LRMDA: variants seen among roughly 807,000 people sequenced by gnomAD.
LRMDA encodes leucine rich melanocyte differentiation associated, also known as leucine-rich melanocyte differentiation-associated protein.
LRMDA carries 18 observed loss-of-function variants against 29.8 expected under a neutral mutation model. The observed-to-expected ratio is 0.60, with a 90% CI of 0.42 to 0.90. The LOEUF is 0.90. Ranked by LOEUF, LRMDA falls within the 40% of genes least tolerant of loss-of-function variation. The probability of loss-of-function intolerance (pLI) is 0.00; values close to 1 mark genes in which losing one functional copy is unlikely to be tolerated. For missense variants in LRMDA, 273 were observed against 273.9 expected (o/e 1.00, Z 0.02); for synonymous variants, 125 against 109.4 (o/e 1.14, Z -0.89).
intron 2 of LRMDA, among the ~76,000 whole-genome samples, chr10:75,452,048 A>G (rs376264811): frequency 3.3e-5 from 5 of 152,132 alleles, no homozygotes; most frequent in African/African-American, 1.2e-4. Flanking sequence ...TCCTTGGTTC[A>G]GTCCCACTTG....
At chr10:76,485,117 A>G (rs1180191628) in intron 6 of LRMDA, among the ~76,000 whole-genome samples, 1 of 151,886 alleles carries the variant, frequency 6.6e-6, no homozygotes, top group African/African-American at 2.4e-5. Context: ...AGGTATATTT[A>G]GACTATTTTC....
At chr10:75,981,836 G>A (rs1175134744) in intron 2 of LRMDA, among the ~76,000 whole-genome samples, 1 of 123,290 alleles carries the variant, frequency 8.1e-6, no homozygotes, top group Non-Finnish European at 1.6e-5. Context: ...TGGCGACAGA[G>A]CAAGACTCCA....
chr10:76,066,753 G>A (rs1159429783), intron 5 of LRMDA, among the ~76,000 whole-genome samples: 1 of 152,210 alleles, frequency 6.6e-6, no homozygotes, highest in African/African-American at 2.4e-5. Flanking sequence ...AGAACTACAG[G>A]AGCCAGGCTG....
At chr10:76,247,492 C>T (rs1852397659) in intron 5 of LRMDA, among the ~76,000 whole-genome samples, 1 of 152,162 alleles carries the variant, frequency 6.6e-6, no homozygotes, top group African/African-American at 2.4e-5. Flanking sequence ...ATTATAGATC[C>T]TTTTGAGAGA....
chr10:76,435,347 C>T (rs1842234820), intron 6 of LRMDA, among the ~76,000 whole-genome samples: 1 of 152,168 alleles, frequency 6.6e-6, no homozygotes, highest in African/African-American at 2.4e-5. Context: ...CCAAGTTTCT[C>T]TTTCATGAGG....
intron 6 of LRMDA, among the ~76,000 whole-genome samples, chr10:76,410,766 C>T (rs1841952354): frequency 6.6e-6 from 1 of 152,002 alleles, no homozygotes; most frequent in African/African-American, 2.4e-5. Flanking sequence ...CCAGCCTGGC[C>T]AACATGGTGA....
At chr10:75,664,398 C>T (rs529089218) in intron 2 of LRMDA, among the ~76,000 whole-genome samples, 154 of 152,310 alleles carry the variant, frequency 1.0e-3, no homozygotes, top group Middle Eastern at 3.4e-3. Flanking sequence ...CAACTGTATG[C>T]CAGGCAATGG....
At chr10:75,788,766 C>T (rs1489634695) in intron 2 of LRMDA, among the ~76,000 whole-genome samples, 1 of 152,230 alleles carries the variant, frequency 6.6e-6, no homozygotes, top group Non-Finnish European at 1.5e-5. Flanking sequence ...AATAAAATCA[C>T]AGTCCTTTTA....
At chr10:76,517,002 G>A (rs560030902) in intron 6 of LRMDA, among the ~76,000 whole-genome samples, 203 of 152,222 alleles carry the variant, frequency 1.3e-3, no homozygotes, top group South Asian at 0.01. Context: ...TCATTGAAGA[G>A]AGAATATTAG....
intron 5 of LRMDA, among the ~76,000 whole-genome samples, chr10:76,164,802 ATT>A (rs1214631242): frequency 6.6e-6 from 1 of 152,076 alleles, no homozygotes; most frequent in Non-Finnish European, 1.5e-5. Context: ...CTTTTATTGA[ATT>A]TATTTATTTT....
At chr10:76,234,663 C>T (rs184454466) in intron 5 of LRMDA, among the ~76,000 whole-genome samples, 3 of 152,302 alleles carry the variant, frequency 2.0e-5, no homozygotes, top group Admixed American at 2.0e-4. Context: ...GCAATTTTTC[C>T]ATCAGCACTT....
At chr10:75,865,859 A>C (rs1299781353) in intron 2 of LRMDA, among the ~76,000 whole-genome samples, 1 of 152,236 alleles carries the variant, frequency 6.6e-6, no homozygotes, top group Non-Finnish European at 1.5e-5. Context: ...CTGAAGAAAA[A>C]AGCAATGAAA....
At chr10:75,955,012 G>A (rs1386736829) in intron 2 of LRMDA, among the ~76,000 whole-genome samples, 9 of 152,178 alleles carry the variant, frequency 5.9e-5, no homozygotes, top group Non-Finnish European at 8.8e-5. Flanking sequence ...CCAAGTGATT[G>A]GAAAGCATTG....
At chr10:76,320,032 T>G (rs554510780) in intron 5 of LRMDA, among the ~76,000 whole-genome samples, 2 of 152,214 alleles carry the variant, frequency 1.3e-5, no homozygotes, top group Non-Finnish European at 2.9e-5. Context: ...CACCGGACTG[T>G]AGTTTTTCAT....
At chr10:76,400,342 A>G (rs1015183368) in intron 6 of LRMDA, among the ~76,000 whole-genome samples, 1 of 152,246 alleles carries the variant, frequency 6.6e-6, no homozygotes, top group Non-Finnish European at 1.5e-5. Context: ...TGAGATGCCT[A>G]AAACAGAGGA....
chr10:76,509,301 T>C (rs2132350192), intron 6 of LRMDA, among the ~76,000 whole-genome samples: 1 of 152,290 alleles, frequency 6.6e-6, no homozygotes, highest in Admixed American at 6.5e-5. Flanking sequence ...CAGACACTAC[T>C]GAACAAATGA....
intron 2 of LRMDA, among the ~76,000 whole-genome samples, chr10:75,938,220 A>G (rs1846328499): frequency 6.6e-6 from 1 of 152,178 alleles, no homozygotes; most frequent in African/African-American, 2.4e-5. Flanking sequence ...GCTACTGAGA[A>G]TTACACCCAA....
At chr10:76,413,563 G>A (rs1162471759) in intron 6 of LRMDA, among the ~76,000 whole-genome samples, 5 of 152,030 alleles carry the variant, frequency 3.3e-5, no homozygotes, top group African/African-American at 1.2e-4. Context: ...ATCTCCCACC[G>A]GGTCCCTCCC....
chr10:76,116,750 T>C (rs976792827), intron 5 of LRMDA, among the ~76,000 whole-genome samples: 3 of 152,146 alleles, frequency 2.0e-5, no homozygotes, highest in African/African-American at 7.2e-5. Flanking sequence ...ACAGGAGTCC[T>C]GAGGGTAGCC....
Sources: gnomAD v4.1 joint callset for allele counts (sites outside exome capture counted in the v4.1 genomes callset) on GRCh38, gnomAD v4.1.1 for gene constraint, MANE v1.5 for transcripts, NCBI Gene and HGNC (gene_info 2026-07-23, HGNC 2026-07-21) for gene names.